The following MYO9A variants were observed in gnomAD, a reference collection of about 807,000 sequenced individuals.
MYO9A encodes the protein unconventional myosin-IXa.
A neutral mutation model predicts 293.3 loss-of-function variants in MYO9A; 103 were observed. That is an observed-to-expected ratio of 0.35 (90% CI 0.30 to 0.41). MYO9A has a LOEUF of 0.41. MYO9A is among the 10% of genes least tolerant of loss of function. The pLI is 1.00. For missense variants in MYO9A, 2,685 were observed against 3,033.0 expected (o/e 0.89, Z 2.69); for synonymous variants, 1,001 against 1,035.7 (o/e 0.97, Z 0.64).
intron 17 of MYO9A, 108 bp from the exon 18 acceptor site, chr15:71,933,817 T>TA (rs2145801000): frequency 1.1e-6 from 1 of 872,754 alleles, no homozygotes; most frequent in Admixed American, 2.5e-5. Context: ...ACAGATTATA[T>TA]ACCCATTACC....
At chr15:71,881,072 G>A (rs1162812121) in intron 28 of MYO9A, among the ~76,000 whole-genome samples, 1 of 151,948 alleles carries the variant, frequency 6.6e-6, no homozygotes, top group Non-Finnish European at 1.5e-5. Context: ...AACATTTGGT[G>A]ATTGCTGGCA....
intron 1 of MYO9A, among the ~76,000 whole-genome samples, chr15:72,088,469 T>C (rs1259870105): frequency 6.6e-6 from 1 of 152,232 alleles, no homozygotes; most frequent in Admixed American, 6.5e-5. Context: ...TCATCTCTGA[T>C]CTCTGCTCTT....
intron 15 of MYO9A, among the ~76,000 whole-genome samples, chr15:71,948,031 C>G (rs1036568982): frequency 6.6e-6 from 1 of 152,020 alleles, no homozygotes; most frequent in East Asian, 1.9e-4. Context: ...GGCGAGAGCA[C>G]CAGAAAGAAA....
intron 2 of MYO9A, among the ~76,000 whole-genome samples, chr15:72,038,603 A>C (rs1196784352): frequency 6.6e-6 from 1 of 152,138 alleles, no homozygotes; most frequent in African/African-American, 2.4e-5. Context: ...AACTAACTAC[A>C]CACACACAAA....
intron 2 of MYO9A, among the ~76,000 whole-genome samples, 159 bp downstream of exon 2, chr15:72,045,565 C>T (rs1033081477): frequency 1.3e-5 from 2 of 152,074 alleles, no homozygotes; most frequent in African/African-American, 4.8e-5. Context: ...TGCGCCCAGC[C>T]CTAAATGAGT....
At chr15:72,059,971 T>A (rs912631546) in intron 1 of MYO9A, among the ~76,000 whole-genome samples, 9 of 152,214 alleles carry the variant, frequency 5.9e-5, no homozygotes, top group African/African-American at 2.2e-4. Context: ...GGAAAAAACC[T>A]ACATGCTACA....
At chr15:71,904,748 A>G (rs1255652985) in intron 20 of MYO9A, among the ~76,000 whole-genome samples, 178 bp downstream of exon 20, 1 of 152,196 alleles carries the variant, frequency 6.6e-6, no homozygotes, top group Non-Finnish European at 1.5e-5. Context: ...ATCAAATCCA[A>G]ATAAACACCT....
chr15:71,887,442 C>G (rs2057053531), intron 27 of MYO9A, among the ~76,000 whole-genome samples: 2 of 152,292 alleles, frequency 1.3e-5, no homozygotes, highest in African/African-American at 4.8e-5. Flanking sequence ...TCTTCCCTCT[C>G]TACCAACAAG....
At chr15:72,049,820 C>T (rs1254424097) in intron 1 of MYO9A, among the ~76,000 whole-genome samples, 1 of 152,236 alleles carries the variant, frequency 6.6e-6, no homozygotes, top group African/African-American at 2.4e-5. Flanking sequence ...CCTACTACCC[C>T]ATCTGTGGAA....
intron 2 of MYO9A, among the ~76,000 whole-genome samples, chr15:72,038,339 T>G (rs1286170667): frequency 6.6e-6 from 1 of 151,066 alleles, no homozygotes; most frequent in Non-Finnish European, 1.5e-5. Flanking sequence ...TTATTTAACC[T>G]GGCCAAAATA....
intron 14 of MYO9A, chr15:71,958,647 C>T (rs897226154): frequency 2.6e-5 from 4 of 152,004 alleles, no homozygotes; most frequent in Non-Finnish European, 5.9e-5. Flanking sequence ...TACATTTTTG[C>T]TTTGTGTACT....
At chr15:71,887,858 T>C (rs1474810649) in intron 27 of MYO9A, 146 bp downstream of exon 27, 2 of 480,406 alleles carry the variant, frequency 4.2e-6, no homozygotes, top group East Asian at 3.4e-5. Flanking sequence ...AGTAGGTACT[T>C]ACCATTTCTT....
At chr15:71,863,104 A>T (rs28650442) in intron 32 of MYO9A, among the ~76,000 whole-genome samples, 50,674 of 150,158 alleles carry the variant, frequency 0.34, 9,252 homozygotes, top group East Asian at 0.62. Context: ...TTTTGTATAT[A>T]TTTTTTTTTA....
chr15:72,022,177 T>C (rs1487899584), intron 4 of MYO9A, among the ~76,000 whole-genome samples: 5 of 152,154 alleles, frequency 3.3e-5, no homozygotes, highest in African/African-American at 1.2e-4. Flanking sequence ...AATCAAACCC[T>C]GGGAAGGAGA....
At position 72,082,116 on chromosome 15, in the gene MYO9A, T is replaced by C. The variant is rs2079564780; in HGVS notation, c.-71-35482A>G. 2.0e-5 allele frequency among the ~76,000 whole-genome samples: 3 copies of C among 152,204 alleles called. No homozygotes were observed. The South Asian group carries it at 6.2e-4, about 32-fold the overall frequency. ...AATAGCACTGAATCGATAAACTGCTTTGTGTAGTATGGCCATTTTAACAAA... is the reference window on the plus strand; with the variant it reads ...AATAGCACTGAATCGATAAACTGCTCTGTGTAGTATGGCCATTTTAACAAA... On this transcript the variant is annotated intron_variant, in intron 1 of 41. Transcript: ENST00000356056.
In MYO9A at chr15:71,825,290, C is replaced by G. The variant is rs1388220414; in HGVS notation, c.*1290G>C. The stretch of plus-strand genomic sequence containing the variant: ...GGCTCTCATCCCCCTGTCCAGTGGC[C>G]CCTCATCTGTGGGAAGAAATTCCAT... On this transcript the variant is annotated 3_prime_UTR_variant, in exon 42 of 42. Coordinates refer to ENST00000356056, the MANE Select transcript of MYO9A (RefSeq NM_006901.4). 6.6e-6 allele frequency: 1 copy of G among 152,162 alleles called. No individual in the cohort carries two copies. Among genetic ancestry groups the G allele is most frequent in the Non-Finnish European group, 1.5e-5 (1 of 68,032 alleles). The allele number at this position is 152,162 out of a possible 1,614,324, so 9.4% of individuals were successfully genotyped here.
intron 32 of MYO9A, among the ~76,000 whole-genome samples, chr15:71,869,582 C>T (rs1027712843): frequency 6.6e-6 from 1 of 152,140 alleles, no homozygotes; most frequent in Non-Finnish European, 1.5e-5. Context: ...CTAAATAAAT[C>T]TGGGTTAAGG....
At chr15:71,845,608 C>A (rs983148206) in intron 39 of MYO9A, among the ~76,000 whole-genome samples, 2 of 152,168 alleles carry the variant, frequency 1.3e-5, no homozygotes. Context: ...CTGCTGTCAC[C>A]GTTACGTGAA....
chr15:72,114,466 T>C (rs568205121), intron 1 of MYO9A: 1 of 152,284 alleles, frequency 6.6e-6, no homozygotes, highest in Admixed American at 6.5e-5. Context: ...ATGTTGGCAG[T>C]GAAGTACAGA....
Sources: allele counts gnomAD v4.1 joint callset (sites outside exome capture counted in the v4.1 genomes callset), GRCh38; gene constraint gnomAD v4.1.1; transcripts MANE v1.5; gene names NCBI Gene and HGNC (gene_info 2026-07-23, HGNC 2026-07-21).